Variants in ATXN2L observed in about 807,000 individuals in gnomAD.
The protein encoded by ATXN2L is ataxin 2 like.
In ATXN2L, 24 loss-of-function variants were observed where a neutral mutation model predicts 120.7. The observed-to-expected ratio is 0.20, with a 90% confidence interval of 0.14 to 0.28. The LOEUF is 0.28. Ranked by LOEUF, ATXN2L falls within the 10% of genes least tolerant of loss-of-function variation. The probability of loss-of-function intolerance (pLI) is 1.00; values close to 1 mark genes in which losing one functional copy is unlikely to be tolerated. For missense variants in ATXN2L, 1,312 were observed against 1,432.3 expected (o/e 0.92, Z 1.36); for synonymous variants, 653 against 568.1 (o/e 1.15, Z -2.13).
intron 12 of ATXN2L, 62 bp downstream of exon 12, chr16:28,832,629 G>T: frequency 6.4e-7 from 1 of 1,561,238 alleles, no homozygotes; most frequent in Non-Finnish European, 8.8e-7. Flanking sequence ...GAGTATTTCA[G>T]TTAGGAAGTT....
chr16:28,834,421 C>T lies in ATXN2L; in HGVS notation c.2245+6C>T, dbSNP rs201985821. On this transcript the variant is annotated splice_donor_region_variant and intron_variant, in intron 17 of 21. Transcript: ENST00000336783. ...CAAGTACCGGGGAGCAAAAGGTGAG[C>T]AGGGCTGGGAGGGGCAGGCGGCGAG... 162 of 1,613,866 alleles carry T rather than the reference C, an allele frequency of 1.0e-4. No individual in the cohort carries two copies. Among genetic ancestry groups the T allele is most frequent in the Admixed American group, 1.3e-4 (8 of 59,992 alleles).
chr16:28,825,552 C>A, intron 2 of ATXN2L, 72 bp from the exon 3 acceptor site: 1 of 1,551,282 alleles, frequency 6.4e-7, no homozygotes, highest in Non-Finnish European at 8.9e-7. Flanking sequence ...TAGAGTGCGG[C>A]GGGCATTTAG....
At chr16:28,834,744 C>G in intron 18 of ATXN2L, 51 bp downstream of exon 18, 1 of 1,545,478 alleles carries the variant, frequency 6.5e-7, no homozygotes, top group Non-Finnish European at 8.8e-7. Flanking sequence ...TGCTAGGGAT[C>G]CCATCTTCTC....
rs1960829828 is a variant in ATXN2L, at chr16:28,836,423, A to G, written c.*158A>G. 1.2e-6 allele frequency: 2 copies of G among 1,613,192 alleles called. No homozygotes were observed. Among genetic ancestry groups the G allele is most frequent in the Admixed American group, 1.7e-5 (1 of 59,958 alleles). ...CGTCCTCGCTCAGTTGTGATCCAGC[A>G]GCCCCCCTCCCCACTGCCTCCCCAG... On this transcript the variant is annotated 3_prime_UTR_variant, in exon 22 of 22. Transcript: ENST00000336783.
In ATXN2L at chr16:28,833,086, A is replaced by G; in HGVS notation, c.1687A>G (p.Ser563Gly). 1 of 1,614,214 alleles carries G rather than the reference A, an allele frequency of 6.2e-7. No individual in the cohort carries two copies. The highest frequency in any genetic ancestry group is 8.5e-7 in the Non-Finnish European group (1 of 1,180,024). The change falls in exon 14 of 22, where the codon AGC (serine) becomes GGC (glycine). Residue 563 changes from serine (S) to glycine (G), a missense_variant. Coordinates refer to ENST00000336783, the MANE Select transcript of ATXN2L (RefSeq NM_007245.4). ...KLQPSSSPENSLDPFPPRILK... is the reference protein window; with the variant it reads ...KLQPSSSPENGLDPFPPRILK... ...TCAGCCCAGTAGCTCCCCTGAGAAC[A>G]GCCTGGATCCTTTTCCTCCCCGGAT...
intron 6 of ATXN2L, among the ~76,000 whole-genome samples, chr16:28,828,883 G>A (rs1355190247): frequency 6.6e-6 from 1 of 152,058 alleles, no homozygotes; most frequent in Non-Finnish European, 1.5e-5. Flanking sequence ...AGCCAGGACT[G>A]CAGGCATGCG....
At position 28,835,758 on chromosome 16, in the gene ATXN2L, G is replaced by C; in HGVS notation, c.2895G>C (p.Gln965His). 1 of 1,614,108 alleles carries C rather than the reference G, an allele frequency of 6.2e-7. No individual in the cohort carries two copies. The highest frequency in any genetic ancestry group is 1.7e-5 in the Admixed American group (1 of 60,016). ...TCACCAACATGGCCCATGTTACCCA[G>C]GTAAGAGCCCAGCTGTCCCACTTCT... ...HGFTNMAHVT[Q>H]AHVQTGITAA... The change falls in exon 21 of 22, where the codon CAG becomes CAC. Residue 965 changes from glutamine to histidine, a missense_variant and splice_region_variant. By Grantham distance (24) the Gln-to-His change is conservative. Coordinates refer to ENST00000336783, the MANE Select transcript of ATXN2L (RefSeq NM_007245.4).
chr16:28,828,092 T>C (rs1054762625), intron 6 of ATXN2L, among the ~76,000 whole-genome samples: 2 of 152,236 alleles, frequency 1.3e-5, no homozygotes, highest in African/African-American at 4.8e-5. Flanking sequence ...AAATTGTATT[T>C]GTCCTTTTCC....
intron 21 of ATXN2L, 83 bp from the exon 22 acceptor site, chr16:28,835,850 T>TG: frequency 1.9e-6 from 3 of 1,587,092 alleles, no homozygotes; most frequent in Non-Finnish European, 2.6e-6. Flanking sequence ...GTGCCACCCT[T>TG]GCCATAGTGC....
In ATXN2L at chr16:28,825,626, G is replaced by A. The variant is rs773957271; in HGVS notation, c.339G>A (p.Val113=). 1 of 1,614,012 alleles carries A rather than the reference G, an allele frequency of 6.2e-7. No individual in the cohort carries two copies. Among genetic ancestry groups the A allele is most frequent in the South Asian group, 1.1e-5 (1 of 91,074 alleles). The change falls in exon 3 of 22, where the codon GTG becomes GTA. Residue 113 remains valine (V), a splice_region_variant and synonymous_variant. Coordinates refer to ENST00000336783, the MANE Select transcript of ATXN2L (RefSeq NM_007245.4). Reference sequence around the variant, plus strand: ...CTCCCTCTTATGTTAACTGACAGGTGTTTGAAGGCGTCTACAACAATTCCA... The same window carrying A: ...CTCCCTCTTATGTTAACTGACAGGTATTTGAAGGCGTCTACAACAATTCCA... ...STGKGPPQSP[V]FEGVYNNSRM...
rs779668135 is a variant in ATXN2L, at chr16:28,836,198, G to A, written c.3161G>A (p.Gly1054Glu). 6.2e-7 allele frequency: 1 copy of A among 1,614,140 alleles called. No individual in the cohort carries two copies. The highest frequency in any genetic ancestry group is 8.5e-7 in the Non-Finnish European group (1 of 1,180,006). Residue 1054 changes from glycine (G) to glutamate (E), a missense_variant, in exon 22 of 22, where the codon GGA (glycine) becomes GAA (glutamate). Gly to Glu is a moderately conservative substitution (Grantham distance 98). Coordinates refer to ENST00000336783, the MANE Select transcript of ATXN2L (RefSeq NM_007245.4). ...DRIREFSLAGGIWHGRAEGLQ... is the reference protein window; with the variant it reads ...DRIREFSLAGEIWHGRAEGLQ... ...ATTCGTGAGTTCTCATTAGCTGGGG[G>A]AATTTGGCATGGAAGAGCTGAGGGG...
intron 6 of ATXN2L, among the ~76,000 whole-genome samples, chr16:28,827,271 A>G (rs1321632933): frequency 1.3e-5 from 2 of 152,108 alleles, no homozygotes; most frequent in Admixed American, 6.5e-5. Context: ...CTGTCTCAAC[A>G]AGATATATAA....
rs192813687 is a variant in ATXN2L, at chr16:28,827,358, C to A, written c.741+372C>A. Among the ~76,000 whole-genome samples the A allele has an allele frequency of 2.3e-3, 346 of 151,314 alleles. 1 individual carries two copies. Among genetic ancestry groups the A allele is most frequent in the African/African-American group, 8.3e-3 (340 of 41,180 alleles). On this transcript the variant is annotated intron_variant, in intron 6 of 21. Coordinates refer to ENST00000336783, the MANE Select transcript of ATXN2L (RefSeq NM_007245.4). ...CTGAAGTGGAAGGATCACTTGAGCC[C>A]AGGGAGGTCGAGGCTACAGTGAGCT...
intron 8 of ATXN2L, 30 bp from the exon 9 acceptor site, chr16:28,830,585 T>C: frequency 1.3e-6 from 2 of 1,530,154 alleles, no homozygotes; most frequent in Non-Finnish European, 1.8e-6. Flanking sequence ...GTTTTGTGGC[T>C]ACCTGGCCTT....
Position 28,830,805 on chromosome 16 carries a change from G to A in ATXN2L, c.1210+15G>A, listed in dbSNP as rs778565755. On this transcript the variant is annotated intron_variant, in intron 9 of 21. Transcript: ENST00000336783. ...TATCAATGGAGGTGAGTTATGAGGT[G>A]ACTTTGAGGAAGAGGGCAGGGAAGG... is the stretch of plus-strand genomic sequence containing the variant. The A allele has an allele frequency of 2.7e-5, 43 of 1,577,222 alleles. No individual in the cohort carries two copies. The highest frequency in any genetic ancestry group is 3.6e-5 in the Non-Finnish European group (42 of 1,162,408).
Position 28,834,352 on chromosome 16 carries a change from A to G in ATXN2L, c.2182A>G (p.Met728Val). 1 of 1,613,866 alleles carries G rather than the reference A, an allele frequency of 6.2e-7. No individual in the cohort carries two copies. The highest frequency in any genetic ancestry group is 2.2e-5 in the East Asian group (1 of 44,872). The part of the protein sequence containing the change: ...HMGPAVQAPQ[M>V]YPYPVSNSVP... ...GTGTCCTCATCCCCAGGCACCTCAG[A>G]TGTATCCATATCCTGTATCCAATTC... Residue 728 changes from methionine to valine, a missense_variant, in exon 17 of 22, where the codon ATG becomes GTG. Met to Val is a conservative substitution (Grantham distance 21). Transcript: ENST00000336783.
intron 1 of ATXN2L, chr16:28,823,854 G>T (rs1037332860): frequency 1.8e-5 from 6 of 332,552 alleles, no homozygotes; most frequent in East Asian, 9.9e-5. Flanking sequence ...GGGGAGTTGG[G>T]GGGGGGCAAG....
chr16:28,823,439 G>A lies in ATXN2L; in HGVS notation c.180G>A (p.Gly60=). The part of the protein sequence containing the change: ...GPPAAASPCL[G]PVAAAGSGLR... ...CAGCGGCCGCCTCCCCCTGCCTGGG[G>A]CCTGTGGCCGCTGCCGGGAGCGGGC... The change falls in exon 1 of 22, where the codon GGG becomes GGA. Residue 60 remains glycine, a synonymous_variant. Coordinates refer to ENST00000336783, the MANE Select transcript of ATXN2L (RefSeq NM_007245.4). 1 of 1,322,948 alleles carries A rather than the reference G, an allele frequency of 7.6e-7. No individual in the cohort carries two copies. The highest frequency in any genetic ancestry group is 9.6e-7 in the Non-Finnish European group (1 of 1,042,776). 82.0% of individuals were successfully genotyped at this position (1,322,948 alleles called of 1,614,324 possible). A position where few individuals can be genotyped will look rare whatever the true frequency, so the allele number is the denominator to read the frequency against.
intron 6 of ATXN2L, among the ~76,000 whole-genome samples, chr16:28,827,596 G>A (rs1165942564): frequency 6.6e-6 from 1 of 152,178 alleles, no homozygotes; most frequent in East Asian, 1.9e-4. Context: ...ATGAGGCTGA[G>A]CGCAGTGGCT....
Sources: allele counts gnomAD v4.1 joint callset (sites outside exome capture counted in the v4.1 genomes callset), GRCh38; gene constraint gnomAD v4.1.1; transcripts MANE v1.5; gene names NCBI Gene and HGNC (gene_info 2026-07-23, HGNC 2026-07-21).